ZNF782: variants seen among roughly 807,000 people sequenced by gnomAD.
ZNF782 encodes zinc finger protein 782.
Under a neutral mutation model 13.0 loss-of-function variants are expected in ZNF782, and 12 were observed. The ratio of observed to expected loss-of-function variants is 0.92; its 90% CI spans 0.59 to 1.50. ZNF782 has a LOEUF of 1.50. Ranked by LOEUF, ZNF782 falls within the 40% of genes most tolerant of loss-of-function variation. The pLI is 0.00. For synonymous variants in ZNF782, 284 were observed against 283.0 expected (o/e 1.00, Z -0.04); for missense variants, 770 against 822.9 (o/e 0.94, Z 0.79).
the ZNF782 span, chr9:96,931,886 A>G: frequency 6.2e-7 from 1 of 1,612,286 alleles, no homozygotes; most frequent in East Asian, 2.2e-5. Flanking sequence ...TGCCTTCCCC[A>G]GCACCCCTCT....
At position 96,853,081 on chromosome 9, in the gene ZNF782, G is replaced by A. The variant is rs572002207; in HGVS notation, c.-261-12C>T. 1 of 152,572 alleles carries A rather than the reference G, an allele frequency of 6.6e-6. No homozygotes were observed. The highest frequency in any genetic ancestry group is 1.9e-4 in the East Asian group (1 of 5,200). The allele number at this position is 152,572 out of a possible 1,614,324, so 9.5% of individuals were successfully genotyped here. Reference sequence around the variant, plus strand: ...CAGCAGTATGGCATCTGTAAAGAGTGGAGAACAAAGCGACTGGGGGCTACT... The same window carrying A: ...CAGCAGTATGGCATCTGTAAAGAGTAGAGAACAAAGCGACTGGGGGCTACT... On this transcript the variant is annotated splice_polypyrimidine_tract_variant and intron_variant, in intron 1 of 5. Transcript: ENST00000481138.
intron 4 of ZNF782, among the ~76,000 whole-genome samples, chr9:96,834,989 T>C (rs1245572506): frequency 6.6e-6 from 1 of 152,160 alleles, no homozygotes; most frequent in Admixed American, 6.5e-5. Context: ...AAAATGCTGC[T>C]AGAAATATGA....
chr9:96,853,887 T>C (rs926636432), intron 1 of ZNF782, among the ~76,000 whole-genome samples: 18 of 152,206 alleles, frequency 1.2e-4, no homozygotes, highest in Non-Finnish European at 1.5e-4. Context: ...GAACAAAGTG[T>C]CTTCTAAATA....
At chr9:96,883,246 C>T in the ZNF782 span, among the ~76,000 whole-genome samples, 1 of 152,134 alleles carries the variant, frequency 6.6e-6, no homozygotes, top group South Asian at 2.1e-4. Flanking sequence ...CACCTGACTA[C>T]AAGTGACATC....
intron 4 of ZNF782, among the ~76,000 whole-genome samples, chr9:96,832,915 C>T (rs1850853156): frequency 6.6e-6 from 1 of 151,552 alleles, no homozygotes; most frequent in Non-Finnish European, 1.5e-5. Context: ...TTTTTTTAGC[C>T]TTTTCTTATG....
chr9:96,825,932 C>G (rs1214765098), intron 5 of ZNF782, among the ~76,000 whole-genome samples: 1 of 151,086 alleles, frequency 6.6e-6, no homozygotes, highest in Non-Finnish European at 1.5e-5. Context: ...GAAATAGGAA[C>G]ACTTTTACAC....
upstream of ZNF782, among the ~76,000 whole-genome samples, chr9:96,859,471 C>A (rs1268062923): frequency 1.3e-5 from 2 of 152,142 alleles, no homozygotes; most frequent in African/African-American, 4.8e-5. Context: ...TGAGACCCCC[C>A]TTTCAGGTCT....
intron 5 of ZNF782, among the ~76,000 whole-genome samples, chr9:96,820,555 T>C (rs1016037984): frequency 6.7e-6 from 1 of 150,358 alleles, no homozygotes; most frequent in East Asian, 2.2e-4. Flanking sequence ...TTTTTTTTTT[T>C]TTTCTTTTTT....
At chr9:96,902,891 C>A in the ZNF782 span, 1 of 151,148 alleles carries the variant, frequency 6.6e-6, no homozygotes, top group East Asian at 1.9e-4. Context: ...CAGCCTCCCC[C>A]TCCTGGGTTC....
At chr9:96,873,197 T>C (rs927258843) in intron 1 of ZNF782, among the ~76,000 whole-genome samples, 5 of 152,204 alleles carry the variant, frequency 3.3e-5, no homozygotes, top group Non-Finnish European at 7.4e-5. Context: ...GTAAAATCTT[T>C]AAATAACTCA....
intron 4 of ZNF782, among the ~76,000 whole-genome samples, chr9:96,836,663 G>A (rs997716490): frequency 1.3e-5 from 2 of 152,068 alleles, no homozygotes; most frequent in South Asian, 2.1e-4. Context: ...GTATGGTTTG[G>A]GTGTGGTTCA....
At chr9:96,865,342 T>C (rs1296800824) in intron 1 of ZNF782, among the ~76,000 whole-genome samples, 2 of 152,226 alleles carry the variant, frequency 1.3e-5, no homozygotes, top group East Asian at 3.9e-4. Flanking sequence ...TCCTGTGTTG[T>C]TCTCATGATA....
the ZNF782 span, among the ~76,000 whole-genome samples, chr9:96,899,243 T>A: frequency 6.6e-6 from 1 of 151,684 alleles, no homozygotes; most frequent in Admixed American, 6.5e-5. Context: ...AGAGTGAGAC[T>A]CCATCTCAAA....
At chr9:96,874,853 C>T (rs971301129) in intron 1 of ZNF782, among the ~76,000 whole-genome samples, 1 of 152,178 alleles carries the variant, frequency 6.6e-6, no homozygotes, top group Non-Finnish European at 1.5e-5. Flanking sequence ...ACAAACCTGG[C>T]CCTCTGGAAT....
At chr9:96,932,971 T>C in the ZNF782 span, among the ~76,000 whole-genome samples, 1 of 148,782 alleles carries the variant, frequency 6.7e-6, no homozygotes, top group African/African-American at 2.5e-5. Context: ...TTCTTTTCTT[T>C]TCTTTTCTTT....
At chr9:96,846,150 G>A (rs886929071) in intron 3 of ZNF782, among the ~76,000 whole-genome samples, 2 of 152,128 alleles carry the variant, frequency 1.3e-5, no homozygotes, top group African/African-American at 4.8e-5. Flanking sequence ...CATGCTGAGG[G>A]ACTTTGTCGT....
intron 5 of ZNF782, among the ~76,000 whole-genome samples, chr9:96,826,499 T>G (rs990576025): frequency 3.9e-5 from 6 of 152,168 alleles, no homozygotes; most frequent in Non-Finnish European, 8.8e-5. Context: ...TGTATACATA[T>G]GTACTAACCT....
At chr9:96,876,624 T>G (rs1197813045), upstream of ZNF782, among the ~76,000 whole-genome samples, 2 of 151,848 alleles carry the variant, frequency 1.3e-5, no homozygotes, top group African/African-American at 4.8e-5. Flanking sequence ...TATAAAAGAA[T>G]AGTACCTGTG....
intron 5 of ZNF782, among the ~76,000 whole-genome samples, chr9:96,826,112 T>C (rs1850609654): frequency 6.6e-6 from 1 of 152,216 alleles, no homozygotes; most frequent in African/African-American, 2.4e-5. Context: ...ATGTTTATTG[T>C]GGCATTATTC....
Sources: gnomAD v4.1 joint callset for allele counts (sites outside exome capture counted in the v4.1 genomes callset) on GRCh38, gnomAD v4.1.1 for gene constraint, MANE v1.5 for transcripts, NCBI Gene and HGNC (gene_info 2026-07-23, HGNC 2026-07-21) for gene names.